Variants in NSRP1 observed in about 807,000 individuals in gnomAD.
NSRP1 encodes the protein nuclear speckle splicing regulatory protein 1.
Under a neutral mutation model 54.7 loss-of-function variants are expected in NSRP1, and 24 were observed. That is an observed-to-expected ratio of 0.44 (90% CI 0.32 to 0.62). The LOEUF (loss-of-function observed/expected upper bound fraction) is 0.62, where lower values mean the gene tolerates loss of function less well. Ranked by LOEUF, NSRP1 falls within the 20% of genes least tolerant of loss-of-function variation. NSRP1 has a pLI of 0.06. For missense variants in NSRP1, 596 were observed against 651.2 expected (o/e 0.92, Z 0.92); for synonymous variants, 210 against 213.8 (o/e 0.98, Z 0.15).
At chr17:30,176,753 A>T (rs1046618315) in intron 3 of NSRP1, among the ~76,000 whole-genome samples, 1 of 152,136 alleles carries the variant, frequency 6.6e-6, no homozygotes, top group African/African-American at 2.4e-5. Context: ...TGCCAATTCA[A>T]CATCTAGGCA....
At chr17:30,121,027 A>G (rs2071591913) in intron 2 of NSRP1, among the ~76,000 whole-genome samples, 1 of 152,226 alleles carries the variant, frequency 6.6e-6, no homozygotes, top group African/African-American at 2.4e-5. Context: ...AGAGAACAGC[A>G]AGAAATACAG....
chr17:30,163,486 G>A (rs567702273), intron 2 of NSRP1, among the ~76,000 whole-genome samples: 15 of 151,982 alleles, frequency 9.9e-5, no homozygotes, highest in Admixed American at 6.6e-4. Context: ...CTGAGCTAAC[G>A]GTAAAGATTT....
chr17:30,117,165 A>T (rs6505162), intron 1 of NSRP1: 32 of 709,658 alleles, frequency 4.5e-5, no homozygotes, highest in Middle Eastern at 3.3e-4. Context: ...TTGCTTCCTA[A>T]CCCGCGCTTG....
intron 2 of NSRP1, among the ~76,000 whole-genome samples, chr17:30,151,225 T>A (rs948248103): frequency 7.2e-5 from 11 of 152,302 alleles, no homozygotes; most frequent in Admixed American, 2.0e-4. Context: ...ATTGTTGAAT[T>A]GTAGGAATTC....
chr17:30,154,145 A>AC (rs942086353), intron 2 of NSRP1, among the ~76,000 whole-genome samples: 6 of 151,530 alleles, frequency 4.0e-5, no homozygotes, highest in East Asian at 1.9e-4. Context: ...ACATACTGAG[A>AC]CCCCATCTCT....
chr17:30,131,067 C>A (rs2071695217), intron 2 of NSRP1, among the ~76,000 whole-genome samples: 1 of 152,072 alleles, frequency 6.6e-6, no homozygotes, highest in Admixed American at 6.6e-5. Flanking sequence ...GATTACAGAG[C>A]TGTGAAAAAG....
chr17:30,170,294 T>C lies in NSRP1; in HGVS notation c.115-2248T>C, dbSNP rs117328507. ...CAGTAAAGCAAATTAACATGTCCATTATCTTACATACTTTTTTTGTTTCTG... is the reference window on the plus strand; with the variant it reads ...CAGTAAAGCAAATTAACATGTCCATCATCTTACATACTTTTTTTGTTTCTG... On this transcript the variant is annotated intron_variant, in intron 2 of 6. Coordinates refer to ENST00000247026, the MANE Select transcript of NSRP1 (RefSeq NM_032141.4). Among the ~76,000 whole-genome samples the C allele has an allele frequency of 4.4e-4, 67 of 152,262 alleles. No individual in the cohort carries two copies. The East Asian group carries it at 9.4e-3, about 21-fold the overall frequency.
chr17:30,170,385 A>G (rs974033211), intron 2 of NSRP1, among the ~76,000 whole-genome samples: 14 of 152,094 alleles, frequency 9.2e-5, no homozygotes, highest in Admixed American at 6.6e-5. Flanking sequence ...TTTATTACCT[A>G]TTGTCCTCAT....
At chr17:30,181,994 ATCTC>A (rs1407751132) in intron 6 of NSRP1, among the ~76,000 whole-genome samples, 3 of 146,392 alleles carry the variant, frequency 2.0e-5, no homozygotes, top group African/African-American at 7.6e-5. Flanking sequence ...TCCCCCCTCT[ATCTC>A]AGCCTCCCAA....
intron 2 of NSRP1, among the ~76,000 whole-genome samples, chr17:30,126,990 A>T (rs2071655624): frequency 6.6e-6 from 1 of 152,224 alleles, no homozygotes. Context: ...TTGCAGGGCA[A>T]CTGTACAACT....
intron 2 of NSRP1, among the ~76,000 whole-genome samples, chr17:30,124,919 C>T (rs570095474): frequency 6.6e-6 from 1 of 152,218 alleles, no homozygotes; most frequent in East Asian, 1.9e-4. Context: ...TGAGATTTGG[C>T]CAGTCATGGT....
chr17:30,118,570 T>A (rs1020831367), intron 2 of NSRP1, among the ~76,000 whole-genome samples: 7 of 152,162 alleles, frequency 4.6e-5, no homozygotes, highest in African/African-American at 1.2e-4. Context: ...ACTTTTTTTT[T>A]AAATTCAGTG....
intron 2 of NSRP1, among the ~76,000 whole-genome samples, chr17:30,153,941 G>T (rs2071937035): frequency 6.6e-6 from 1 of 152,178 alleles, no homozygotes. Context: ...AGATATTTTA[G>T]TCATTTCAGA....
intron 2 of NSRP1, among the ~76,000 whole-genome samples, chr17:30,159,020 A>C (rs553877009): frequency 6.6e-6 from 1 of 152,248 alleles, no homozygotes; most frequent in South Asian, 2.1e-4. Context: ...ATTTTGGTAG[A>C]GATTGCGTTG....
At chr17:30,171,932 TCTCA>T (rs1326769785) in intron 2 of NSRP1, among the ~76,000 whole-genome samples, 76 of 92,234 alleles carry the variant, frequency 8.2e-4, no homozygotes, top group African/African-American at 2.5e-3. Context: ...TTTCCCCATT[TCTCA>T]CACACACACA....
chr17:30,179,367 C>T lies in NSRP1; in HGVS notation c.508+70C>T. 4 of 1,458,906 alleles carry T rather than the reference C, an allele frequency of 2.7e-6. No homozygotes were observed. In the South Asian group the frequency reaches 6.4e-5, roughly 23 times the overall value. The allele number at this position is 1,458,906 out of a possible 1,614,324, so 90.4% of individuals were successfully genotyped here. ...TCTCTCCCCTGTGGTTAGCTGTTTG[C>T]TCTGTCACTGAACTTTAGGGTTATG... On this transcript the variant is annotated intron_variant, in intron 5 of 6. Coordinates refer to ENST00000247026, the MANE Select transcript of NSRP1 (RefSeq NM_032141.4).
intron 2 of NSRP1, among the ~76,000 whole-genome samples, chr17:30,167,819 C>G (rs957734623): frequency 6.6e-6 from 1 of 151,938 alleles, no homozygotes; most frequent in African/African-American, 2.4e-5. Context: ...TAAATAGACT[C>G]GTTTTTCCTT....
At chr17:30,133,467 A>C (rs762333942) in intron 2 of NSRP1, among the ~76,000 whole-genome samples, 1 of 151,914 alleles carries the variant, frequency 6.6e-6, no homozygotes, top group African/African-American at 2.4e-5. Flanking sequence ...TAAAATATTC[A>C]GTAAACCAAG....
At chr17:30,182,956 A>G (rs1905365669) in intron 6 of NSRP1, among the ~76,000 whole-genome samples, 1 of 151,990 alleles carries the variant, frequency 6.6e-6, no homozygotes. Context: ...TAATAAATAA[A>G]TAATAAAATT....
Sources: allele counts gnomAD v4.1 joint callset (sites outside exome capture counted in the v4.1 genomes callset), GRCh38; gene constraint gnomAD v4.1.1; transcripts MANE v1.5; gene names NCBI Gene and HGNC (gene_info 2026-07-23, HGNC 2026-07-21).